RARB: variants seen among roughly 807,000 people sequenced by gnomAD.
RARB encodes the protein HBV-activated protein.
RARB carries 17 observed loss-of-function variants against 51.9 expected under a neutral mutation model. The ratio of observed to expected loss-of-function variants is 0.33; its 90% confidence interval spans 0.22 to 0.49. The LOEUF (loss-of-function observed/expected upper bound fraction) is 0.49, where lower values mean the gene tolerates loss of function less well. Ranked by LOEUF, RARB falls within the 20% of genes least tolerant of loss-of-function variation. The pLI, the probability that RARB is intolerant of heterozygous loss-of-function variation, is 0.99. For synonymous variants in RARB, 215 were observed against 195.4 expected, an observed-to-expected ratio of 1.10 and a Z score of -0.84; for missense variants, 369 against 550.8, an observed-to-expected ratio of 0.67 and a Z score of 3.30.
At chr3:25,423,585 A>G (rs1707915547), upstream of RARB, among the ~76,000 whole-genome samples, 1 of 152,242 alleles carries the variant, frequency 6.6e-6, no homozygotes, top group Non-Finnish European at 1.5e-5. Flanking sequence ...CATGGTAGGT[A>G]TTCAACATTT....
intron 5 of RARB, among the ~76,000 whole-genome samples, chr3:25,408,761 T>G (rs1707482733): frequency 1.3e-5 from 2 of 152,200 alleles, no homozygotes; most frequent in South Asian, 4.1e-4. Context: ...CAGGGCCAAG[T>G]GCAGTGGCTC....
intron 2 of RARB, among the ~76,000 whole-genome samples, chr3:24,898,041 G>T (rs564714078): frequency 6.6e-6 from 1 of 152,180 alleles, no homozygotes; most frequent in Non-Finnish European, 1.5e-5. Flanking sequence ...AGACCTCATG[G>T]TTTATTTGGC....
intron 4 of RARB, among the ~76,000 whole-genome samples, chr3:25,135,937 T>TA (rs1198755593): frequency 1.0e-5 from 1 of 99,316 alleles, no homozygotes; most frequent in Non-Finnish European, 2.1e-5. Flanking sequence ...TTCCTTTCAT[T>TA]AAAAAAAGAA....
At chr3:25,350,239 T>C (rs1398225705) in intron 5 of RARB, among the ~76,000 whole-genome samples, 1 of 152,178 alleles carries the variant, frequency 6.6e-6, no homozygotes, top group African/African-American at 2.4e-5. Context: ...TGTGGGTCTT[T>C]GGAGCCCACC....
chr3:25,300,825 A>G (rs1280659946), intron 5 of RARB, among the ~76,000 whole-genome samples: 1 of 152,014 alleles, frequency 6.6e-6, no homozygotes, highest in African/African-American at 2.4e-5. Context: ...CCCTATCTCT[A>G]CTAAAATAAA....
chr3:25,490,873 A>C (rs760413202), intron 2 of RARB, among the ~76,000 whole-genome samples: 1 of 152,202 alleles, frequency 6.6e-6, no homozygotes, highest in Non-Finnish European at 1.5e-5. Flanking sequence ...AGTTGGTTCA[A>C]ATTCTCAGAA....
chr3:25,485,453 G>A lies in RARB; in HGVS notation c.307-15729G>A, dbSNP rs558237979. 3.3e-4 allele frequency among the ~76,000 whole-genome samples: 50 copies of A among 152,268 alleles called. 1 individual carries two copies. In the South Asian group the frequency reaches 9.7e-3, roughly 30 times the overall value. Reference sequence around the variant, plus strand: ...TTCTGGTTTCATGGCTTCAGGTCTAGCCCCACTCATATTAGGTTTAAAGGC... The same window carrying A: ...TTCTGGTTTCATGGCTTCAGGTCTAACCCCACTCATATTAGGTTTAAAGGC... On this transcript the variant is annotated intron_variant, in intron 2 of 7. Transcript: ENST00000330688.
At chr3:24,829,845 C>T (rs78092855) in intron 1 of RARB, among the ~76,000 whole-genome samples, 13,337 of 152,262 alleles carry the variant, frequency 0.088, 850 homozygotes, top group Non-Finnish European at 0.13. Flanking sequence ...CGCTGTCCTG[C>T]GCACCTTAGG....
chr3:25,456,044 C>T (rs1351256999), intron 1 of RARB, among the ~76,000 whole-genome samples: 1 of 151,764 alleles, frequency 6.6e-6, no homozygotes, highest in African/African-American at 2.4e-5. Context: ...CCTGAGATCG[C>T]TGAATGAGCT....
intron 5 of RARB, among the ~76,000 whole-genome samples, chr3:25,364,656 G>T (rs188354169): frequency 1.3e-5 from 2 of 152,212 alleles, no homozygotes; most frequent in Non-Finnish European, 2.9e-5. Context: ...GGGCTGTATC[G>T]GAGAGGGCCT....
At chr3:25,501,096 A>C in intron 2 of RARB, 86 bp from the exon 3 acceptor site, 1 of 1,444,182 alleles carries the variant, frequency 6.9e-7, no homozygotes, top group Non-Finnish European at 9.2e-7. Flanking sequence ...CAAAAAGAGC[A>C]ATTAATGCAT....
In RARB at chr3:24,978,624, C is replaced by T. The variant is rs994279461; in HGVS notation, c.-379-81501C>T. 4.6e-5 allele frequency among the ~76,000 whole-genome samples: 7 copies of T among 151,452 alleles called. No individual in the cohort carries two copies. The South Asian group carries it at 6.3e-4, about 14-fold the overall frequency. On this transcript the variant is annotated intron_variant, in intron 2 of 11. Transcript: ENST00000383772. ...TATCCCCTTTATGATTTTTTTATTG[C>T]GTCTATTTGATTCATCTCTCTTTTC...
At chr3:25,351,502 C>T (rs1705569629) in intron 5 of RARB, among the ~76,000 whole-genome samples, 1 of 152,070 alleles carries the variant, frequency 6.6e-6, no homozygotes, top group African/African-American at 2.4e-5. Flanking sequence ...TGGGACCTCG[C>T]CTTTGAATGC....
At chr3:25,021,394 G>A (rs1240669459) in intron 2 of RARB, among the ~76,000 whole-genome samples, 1 of 151,614 alleles carries the variant, frequency 6.6e-6, no homozygotes, top group African/African-American at 2.4e-5. Context: ...TTTTTAGTCA[G>A]ATCAAAAATA....
intron 5 of RARB, among the ~76,000 whole-genome samples, chr3:25,199,290 T>G (rs1203481663): frequency 2.6e-5 from 4 of 151,806 alleles, no homozygotes; most frequent in African/African-American, 9.6e-5. Context: ...GACAGTCACC[T>G]GAGGCTGGGA....
intron 2 of RARB, among the ~76,000 whole-genome samples, chr3:24,886,757 C>T (rs1021253224): frequency 1.3e-5 from 2 of 152,044 alleles, no homozygotes; most frequent in Non-Finnish European, 2.9e-5. Flanking sequence ...CTTGATACTC[C>T]TAGGGCAACT....
At chr3:25,332,979 G>T (rs1331764823) in intron 5 of RARB, among the ~76,000 whole-genome samples, 1 of 152,068 alleles carries the variant, frequency 6.6e-6, no homozygotes, top group Non-Finnish European at 1.5e-5. Flanking sequence ...GGGATGTGAA[G>T]GACCTATTCA....
At chr3:24,987,374 G>C (rs868422191) in intron 2 of RARB, among the ~76,000 whole-genome samples, 4 of 152,278 alleles carry the variant, frequency 2.6e-5, no homozygotes, top group South Asian at 4.1e-4. Context: ...CTATTAAAAA[G>C]AGAGCAGCAA....
At chr3:24,953,217 G>A (rs1186606722) in intron 2 of RARB, among the ~76,000 whole-genome samples, 1 of 152,072 alleles carries the variant, frequency 6.6e-6, no homozygotes, top group African/African-American at 2.4e-5. Context: ...CCTAAAATGA[G>A]TAATTCACTC....
Sources: gnomAD v4.1 joint callset for allele counts (sites outside exome capture counted in the v4.1 genomes callset) on GRCh38, gnomAD v4.1.1 for gene constraint, MANE v1.5 for transcripts, NCBI Gene and HGNC (gene_info 2026-07-23, HGNC 2026-07-21) for gene names.